DNAH6: variants seen among roughly 807,000 people sequenced by gnomAD.
DNAH6 encodes the protein axonemal beta dynein heavy chain 6.
In DNAH6, 340 loss-of-function variants were observed where a neutral mutation model predicts 491.4. The ratio of observed to expected loss-of-function variants is 0.69; its 90% confidence interval spans 0.63 to 0.76. DNAH6 has a LOEUF of 0.76. Ranked by LOEUF, DNAH6 falls within the 30% of genes least tolerant of loss-of-function variation. The probability of loss-of-function intolerance (pLI) is 0.00; values close to 1 mark genes in which losing one functional copy is unlikely to be tolerated. For synonymous variants in DNAH6, 1,603 were observed against 1,686.1 expected (o/e 0.95, Z 1.21); for missense variants, 4,443 against 4,972.2 (o/e 0.89, Z 3.20).
At position 84,551,082 on chromosome 2, in the gene DNAH6, A is replaced by G. The variant is rs150566644; in HGVS notation, c.1485+1025A>G. Among the ~76,000 whole-genome samples, 418 of 152,222 alleles carry G rather than the reference A, an allele frequency of 2.7e-3. 1 individual carries two copies. The highest frequency in any genetic ancestry group is 9.2e-3 in the African/African-American group (383 of 41,530). On this transcript the variant is annotated intron_variant, in intron 9 of 76. Transcript: ENST00000389394. ...TCCAGAATACCTACATGCTCACCTC[A>G]TTTCATCAAACCTCCCACCCTCACA...
At chr2:84,681,324 T>C (rs762223668) in intron 41 of DNAH6, 33 bp from the exon 42 acceptor site, 1 of 1,465,338 alleles carries the variant, frequency 6.8e-7, no homozygotes, top group Non-Finnish European at 9.1e-7. Context: ...TTAAAATAAA[T>C]CTAATCCTCT....
chr2:84,746,159 A>G (rs1672961282), intron 63 of DNAH6, among the ~76,000 whole-genome samples: 1 of 152,202 alleles, frequency 6.6e-6, no homozygotes, highest in South Asian at 2.1e-4. Context: ...GCTCATATGG[A>G]AGTAGGAAAC....
chr2:84,786,280 G>A (rs188969294), intron 67 of DNAH6, among the ~76,000 whole-genome samples: 147 of 152,130 alleles, frequency 9.7e-4, no homozygotes, highest in African/African-American at 3.4e-3. Context: ...TTAAAAAATA[G>A]CCAGGCATGG....
At chr2:84,515,103 A>G (rs1278777839), upstream of DNAH6, among the ~76,000 whole-genome samples, 1 of 151,990 alleles carries the variant, frequency 6.6e-6, no homozygotes, top group East Asian at 1.9e-4. Flanking sequence ...TGTTATTATA[A>G]CTTTATGCTT....
At chr2:84,654,262 G>A (rs953463809) in intron 34 of DNAH6, among the ~76,000 whole-genome samples, 1 of 152,054 alleles carries the variant, frequency 6.6e-6, no homozygotes, top group Non-Finnish European at 1.5e-5. Flanking sequence ...GAGGAATGTG[G>A]ACCAAGTACA....
chr2:84,701,554 A>T (rs1008471659), intron 49 of DNAH6, among the ~76,000 whole-genome samples: 2 of 152,308 alleles, frequency 1.3e-5, no homozygotes, highest in African/African-American at 4.8e-5. Context: ...TAGTGCTGGC[A>T]TCTGCTCAGC....
At chr2:84,526,529 GGGACTTTTACACCT>G (rs1420294263) in intron 3 of DNAH6, among the ~76,000 whole-genome samples, 8 of 152,110 alleles carry the variant, frequency 5.3e-5, no homozygotes, top group Admixed American at 3.3e-4. Context: ...CTAAATAAAA[GGGACTTTTACACCT>G]GGCCATCGGG....
the DNAH6 span, among the ~76,000 whole-genome samples, chr2:84,490,381 G>C: frequency 6.6e-6 from 1 of 151,444 alleles, no homozygotes; most frequent in African/African-American, 2.4e-5. Context: ...TTTTGAAAAA[G>C]GTACCCAGTC....
chr2:84,586,468 G>A (rs72941011), intron 15 of DNAH6, among the ~76,000 whole-genome samples: 3,542 of 152,278 alleles, frequency 0.023, 126 homozygotes, highest in African/African-American at 0.08. Context: ...ATTTTGGTAT[G>A]TTCCTAAGAT....
At chr2:84,772,672 C>T (rs1675745267) in intron 64 of DNAH6, among the ~76,000 whole-genome samples, 1 of 151,968 alleles carries the variant, frequency 6.6e-6, no homozygotes, top group Admixed American at 6.6e-5. Flanking sequence ...GAATTGAAGG[C>T]AGAGATAGTT....
At chr2:84,761,744 T>C (rs868462993) in intron 63 of DNAH6, among the ~76,000 whole-genome samples, 4 of 151,358 alleles carry the variant, frequency 2.6e-5, no homozygotes, top group Middle Eastern at 3.4e-3. Flanking sequence ...CTAGACCAGG[T>C]TGGGACACCT....
the DNAH6 span, among the ~76,000 whole-genome samples, chr2:84,464,392 C>T: frequency 1.3e-5 from 2 of 152,170 alleles, no homozygotes; most frequent in Non-Finnish European, 2.9e-5. Context: ...CCCAGAAGTT[C>T]CAGCTTTGTG....
chr2:84,805,867 A>G, intron 71 of DNAH6, 73 bp downstream of exon 71: 1 of 1,397,948 alleles, frequency 7.2e-7, no homozygotes, highest in Non-Finnish European at 9.5e-7. Context: ...AGTGATAAAC[A>G]GGTGTCAAAA....
At chr2:84,530,111 T>C (rs1677017752) in intron 4 of DNAH6, among the ~76,000 whole-genome samples, 1 of 152,180 alleles carries the variant, frequency 6.6e-6, no homozygotes, top group Non-Finnish European at 1.5e-5. Flanking sequence ...TTTTACGTGC[T>C]TGAGACACAT....
At chr2:84,665,759 C>T (rs1269947223) in intron 37 of DNAH6, among the ~76,000 whole-genome samples, 1 of 152,144 alleles carries the variant, frequency 6.6e-6, no homozygotes, top group East Asian at 1.9e-4. Flanking sequence ...ATAAAGCCAG[C>T]ATCATCCTGA....
chr2:84,566,457 T>C (rs1681201827), intron 11 of DNAH6, among the ~76,000 whole-genome samples: 1 of 152,000 alleles, frequency 6.6e-6, no homozygotes, highest in African/African-American at 2.4e-5. Flanking sequence ...GACACAAAAA[T>C]AGGCTTGGAA....
At chr2:84,805,594 A>G in intron 70 of DNAH6, 71 bp from the exon 71 acceptor site, 2 of 1,376,124 alleles carry the variant, frequency 1.5e-6, no homozygotes, top group South Asian at 3.1e-5. Flanking sequence ...TTTGTAAATA[A>G]TTATGTGTGC....
chr2:84,540,181 A>T (rs530978614), intron 4 of DNAH6, among the ~76,000 whole-genome samples: 2 of 152,182 alleles, frequency 1.3e-5, no homozygotes, highest in South Asian at 4.1e-4. Flanking sequence ...AGGAGGTAAC[A>T]GGGAACAAAG....
At chr2:84,816,713 A>G (rs1354360827) in intron 76 of DNAH6, among the ~76,000 whole-genome samples, 1 of 152,212 alleles carries the variant, frequency 6.6e-6, no homozygotes, top group Non-Finnish European at 1.5e-5. Flanking sequence ...ACAAGAGCGA[A>G]AACTCCATCA....
Sources: gnomAD v4.1 joint callset for allele counts (sites outside exome capture counted in the v4.1 genomes callset) on GRCh38, gnomAD v4.1.1 for gene constraint, MANE v1.5 for transcripts, NCBI Gene and HGNC (gene_info 2026-07-23, HGNC 2026-07-21) for gene names.